DPF3: variants seen among roughly 807,000 people sequenced by gnomAD.
DPF3 encodes zinc finger protein DPF3.
Under a neutral mutation model 56.8 loss-of-function variants are expected in DPF3, and 18 were observed. The observed-to-expected ratio is 0.32, with a 90% CI of 0.22 to 0.47. DPF3 has a LOEUF of 0.47. Ranked by LOEUF, DPF3 falls within the 20% of genes least tolerant of loss-of-function variation. The pLI, the probability that DPF3 is intolerant of heterozygous loss-of-function variation, is 1.00. For synonymous variants in DPF3, 188 were observed against 180.2 expected (o/e 1.04, Z -0.35); for missense variants, 403 against 488.8 (o/e 0.82, Z 1.65).
At chr14:72,722,204 C>G (rs73300190) in intron 5 of DPF3, among the ~76,000 whole-genome samples, 2,690 of 152,128 alleles carry the variant, frequency 0.018, 72 homozygotes, top group African/African-American at 0.063. Flanking sequence ...ATCAAACAAA[C>G]ACAAATCAAC....
intron 1 of DPF3, among the ~76,000 whole-genome samples, chr14:72,861,852 A>G (rs1381800938): frequency 6.6e-6 from 1 of 152,224 alleles, no homozygotes; most frequent in Non-Finnish European, 1.5e-5. Flanking sequence ...TTACTTTATC[A>G]CAATAATGGA....
chr14:72,696,628 C>T (rs1477182312), intron 6 of DPF3, among the ~76,000 whole-genome samples: 1 of 152,236 alleles, frequency 6.6e-6, no homozygotes, highest in African/African-American at 2.4e-5. Context: ...CTTCTACCCA[C>T]ATTAAGCTCA....
At chr14:72,813,787 G>A (rs1287042723) in intron 1 of DPF3, among the ~76,000 whole-genome samples, 1 of 152,152 alleles carries the variant, frequency 6.6e-6, no homozygotes, top group African/African-American at 2.4e-5. Context: ...GTTGGTGAGA[G>A]GACTAAATGA....
intron 1 of DPF3, chr14:72,836,104 G>A (rs1189179409): frequency 2.0e-6 from 2 of 985,494 alleles, no homozygotes; most frequent in Non-Finnish European, 2.4e-6. Context: ...GGTCTGCTGT[G>A]GAAATCCAGG....
chr14:72,877,390 T>C (rs1886155567), intron 1 of DPF3, among the ~76,000 whole-genome samples: 1 of 152,060 alleles, frequency 6.6e-6, no homozygotes, highest in African/African-American at 2.4e-5. Context: ...CAGGACAATG[T>C]TGGGCAATAA....
chr14:72,783,353 C>T (rs1892067714), intron 1 of DPF3, among the ~76,000 whole-genome samples: 1 of 152,220 alleles, frequency 6.6e-6, no homozygotes, highest in South Asian at 2.1e-4. Context: ...CAACGCAAGA[C>T]TTGGCACATA....
At chr14:72,686,311 G>A (rs567481942) in intron 7 of DPF3, among the ~76,000 whole-genome samples, 2 of 152,306 alleles carry the variant, frequency 1.3e-5, no homozygotes, top group African/African-American at 4.8e-5. Flanking sequence ...GGCCCAAATG[G>A]GACAGAGATG....
At chr14:72,869,388 A>G (rs950454012) in intron 1 of DPF3, among the ~76,000 whole-genome samples, 1 of 152,192 alleles carries the variant, frequency 6.6e-6, no homozygotes, top group Non-Finnish European at 1.5e-5. Context: ...TAGCTAGTAC[A>G]TTGTATGTGT....
At chr14:72,868,570 G>A (rs1266048353) in intron 1 of DPF3, among the ~76,000 whole-genome samples, 1 of 152,114 alleles carries the variant, frequency 6.6e-6, no homozygotes, top group Non-Finnish European at 1.5e-5. Flanking sequence ...TCACACAGGT[G>A]CCCCTCCTGT....
At chr14:72,664,948 G>T (rs1886384452) in intron 8 of DPF3, among the ~76,000 whole-genome samples, 1 of 152,142 alleles carries the variant, frequency 6.6e-6, no homozygotes, top group Non-Finnish European at 1.5e-5. Context: ...CTATGGAATG[G>T]TACTTAGGCG....
intron 1 of DPF3, among the ~76,000 whole-genome samples, chr14:72,851,824 G>A (rs1402044179): frequency 2.0e-5 from 3 of 152,210 alleles, no homozygotes; most frequent in Non-Finnish European, 2.9e-5. Flanking sequence ...GTAGGCAACC[G>A]ATATGCCCAG....
At chr14:72,837,200 A>C (rs1567250573) in intron 1 of DPF3, among the ~76,000 whole-genome samples, 2 of 152,074 alleles carry the variant, frequency 1.3e-5, no homozygotes, top group Admixed American at 1.3e-4. Context: ...AATAAGTGCA[A>C]AGAAGAATGA....
At chr14:72,861,834 A>C (rs1330394053) in intron 1 of DPF3, among the ~76,000 whole-genome samples, 1 of 151,832 alleles carries the variant, frequency 6.6e-6, no homozygotes, top group Non-Finnish European at 1.5e-5. Flanking sequence ...CAGCATTTTC[A>C]ATTTTTCTTA....
chr14:72,882,959 G>A (rs1886376140), intron 1 of DPF3, among the ~76,000 whole-genome samples: 1 of 152,324 alleles, frequency 6.6e-6, no homozygotes, highest in Non-Finnish European at 1.5e-5. Context: ...GAAGCTCCTC[G>A]ATGTAGGGAG....
intron 8 of DPF3, among the ~76,000 whole-genome samples, chr14:72,638,224 C>T (rs1885441175): frequency 6.6e-6 from 1 of 151,916 alleles, no homozygotes; most frequent in Non-Finnish European, 1.5e-5. Context: ...TTGCAGGCAA[C>T]CAGCTGCCCA....
In DPF3 at chr14:72,756,822, CAGAAAGAAAGAAAGAAAGAA is replaced by C. The variant is rs71109746; in HGVS notation, c.194-3471_194-3452del. Among the ~76,000 whole-genome samples the C allele has an allele frequency of 5.4e-3, 379 of 70,022 alleles. 1 individual carries two copies. Among genetic ancestry groups the C allele is most frequent in the Non-Finnish European group, 6.2e-3 (236 of 38,352 alleles). The allele number at this position is 70,022 out of a possible 152,430, so 45.9% of individuals were successfully genotyped here. On this transcript the variant is annotated intron_variant, in intron 2 of 10. Coordinates refer to ENST00000556509, the MANE Select transcript of DPF3 (RefSeq NM_001280542.3). ...CAAGATTCTGTGAAAGAAAGAAAGA[CAGAAAGAAAGAAAGAAAGAA>C]AGAAAGAAAGAAAGAAAGAAAGAAA...
At chr14:72,879,773 T>G (rs1045718200) in intron 1 of DPF3, 21 of 1,521,536 alleles carry the variant, frequency 1.4e-5, no homozygotes, top group Non-Finnish European at 1.8e-5. Context: ...ACTAACAAGT[T>G]CACACACGTC....
chr14:72,626,798 T>C (rs1255539024), intron 9 of DPF3, among the ~76,000 whole-genome samples: 23 of 152,140 alleles, frequency 1.5e-4, no homozygotes, highest in Non-Finnish European at 4.4e-5. Flanking sequence ...CCACCAACAA[T>C]GTATGAAGGC....
chr14:72,739,532 C>T (rs1465428485), intron 3 of DPF3, among the ~76,000 whole-genome samples: 1 of 152,220 alleles, frequency 6.6e-6, no homozygotes, highest in African/African-American at 2.4e-5. Context: ...AAACCCTCAC[C>T]TTTCTGACAC....
Sources: allele counts gnomAD v4.1 joint callset (sites outside exome capture counted in the v4.1 genomes callset), GRCh38; gene constraint gnomAD v4.1.1; transcripts MANE v1.5; gene names NCBI Gene and HGNC (gene_info 2026-07-23, HGNC 2026-07-21).